The following RALGPS1 variants were observed in gnomAD, a reference collection of about 807,000 sequenced individuals.
RALGPS1 encodes ras-specific guanine nucleotide-releasing factor RalGPS1.
RALGPS1 carries 19 observed loss-of-function variants against 78.8 expected under a neutral mutation model. That is an observed-to-expected ratio of 0.24 (90% confidence interval 0.17 to 0.35). RALGPS1 has a LOEUF of 0.35. Ranked by LOEUF, RALGPS1 falls within the 10% of genes least tolerant of loss-of-function variation. RALGPS1 has a pLI of 1.00. For missense variants in RALGPS1, 454 were observed against 688.3 expected (o/e 0.66, Z 3.81); for synonymous variants, 228 against 256.3 (o/e 0.89, Z 1.06).
At chr9:127,040,722 C>CA (rs1336207064) in intron 5 of RALGPS1, among the ~76,000 whole-genome samples, 1 of 152,096 alleles carries the variant, frequency 6.6e-6, no homozygotes, top group Non-Finnish European at 1.5e-5. Flanking sequence ...TGAAGTTGCC[C>CA]AAGGAAGAAG....
chr9:127,184,155 A>C (rs1056218478), intron 11 of RALGPS1: 2 of 1,076,612 alleles, frequency 1.9e-6, no homozygotes, highest in Admixed American at 2.0e-5. Flanking sequence ...GCAAAACCCC[A>C]TCTCTACAAA....
At chr9:127,027,177 C>T (rs1214390497) in intron 4 of RALGPS1, among the ~76,000 whole-genome samples, 3 of 152,282 alleles carry the variant, frequency 2.0e-5, no homozygotes, top group South Asian at 4.1e-4. Context: ...TGAAATCTCT[C>T]ATTTGACGAG....
rs76795428 is a variant in RALGPS1 at position 126,923,795 on chromosome 9, A to G, written c.-66+8820A>G. Among the ~76,000 whole-genome samples, 944 of 152,312 alleles carry G rather than the reference A, an allele frequency of 6.2e-3. 9 individuals carry two copies. The highest frequency in any genetic ancestry group is 0.022 in the African/African-American group (902 of 41,562). On this transcript the variant is annotated intron_variant, in intron 1 of 18. Coordinates refer to ENST00000259351, the MANE Select transcript of RALGPS1 (RefSeq NM_014636.3). ...AGCGATCCTCCTGCCTCAGCCTCCCAAGTAGCTCCCAAGTGCCACTACACC... is the reference window on the plus strand; with the variant it reads ...AGCGATCCTCCTGCCTCAGCCTCCCGAGTAGCTCCCAAGTGCCACTACACC...
At chr9:126,948,784 C>T (rs2131663101) in intron 1 of RALGPS1, among the ~76,000 whole-genome samples, 1 of 152,006 alleles carries the variant, frequency 6.6e-6, no homozygotes, top group African/African-American at 2.4e-5. Flanking sequence ...TTTCCTGGCC[C>T]TTCTTTCCGT....
intron 4 of RALGPS1, among the ~76,000 whole-genome samples, chr9:126,995,941 T>C (rs1420944207): frequency 8.6e-5 from 13 of 151,838 alleles, no homozygotes; most frequent in Admixed American, 7.2e-4. Flanking sequence ...ATTGGGTAAA[T>C]AATGAAATGA....
intron 1 of RALGPS1, among the ~76,000 whole-genome samples, chr9:126,936,187 G>A (rs1295259644): frequency 6.6e-6 from 1 of 152,224 alleles, no homozygotes; most frequent in Non-Finnish European, 1.5e-5. Flanking sequence ...GTGAACAGGG[G>A]ATAGAGAACC....
intron 8 of RALGPS1, among the ~76,000 whole-genome samples, chr9:127,116,916 G>T (rs376367347): frequency 6.6e-6 from 1 of 152,144 alleles, no homozygotes; most frequent in South Asian, 2.1e-4. Context: ...TAACAGATTT[G>T]TCTAACCCAG....
At chr9:127,018,505 G>A (rs1364490182) in intron 4 of RALGPS1, among the ~76,000 whole-genome samples, 4 of 151,590 alleles carry the variant, frequency 2.6e-5, no homozygotes, top group African/African-American at 4.8e-5. Context: ...GTGGTGGCGC[G>A]TACCTGGAGT....
intron 4 of RALGPS1, among the ~76,000 whole-genome samples, chr9:127,014,027 C>G (rs1294151693): frequency 6.6e-6 from 1 of 152,338 alleles, no homozygotes. Context: ...GCTGTGTCCT[C>G]CTAAGCTTTG....
chr9:127,215,440 A>G (rs1588614283), intron 18 of RALGPS1, among the ~76,000 whole-genome samples: 1 of 152,182 alleles, frequency 6.6e-6, no homozygotes, highest in Non-Finnish European at 1.5e-5. Context: ...AATGTTTCCC[A>G]TGCAGGAATT....
intron 14 of RALGPS1, among the ~76,000 whole-genome samples, chr9:127,201,517 C>T (rs1489705862): frequency 1.3e-5 from 2 of 152,244 alleles, no homozygotes; most frequent in African/African-American, 2.4e-5. Context: ...AATCCACACT[C>T]GCAAAAGCAA....
chr9:127,147,247 T>A (rs984039778), intron 8 of RALGPS1, among the ~76,000 whole-genome samples: 2 of 152,210 alleles, frequency 1.3e-5, no homozygotes, highest in Non-Finnish European at 2.9e-5. Context: ...CTTATTGATT[T>A]GCTTAGGTTT....
chr9:127,147,398 A>G (rs921905677), intron 8 of RALGPS1, among the ~76,000 whole-genome samples: 4 of 152,146 alleles, frequency 2.6e-5, no homozygotes, highest in African/African-American at 9.7e-5. Flanking sequence ...CTACTTGTCT[A>G]TTTTTGTTTT....
chr9:127,029,026 G>T (rs188638183), intron 4 of RALGPS1, among the ~76,000 whole-genome samples: 139 of 152,078 alleles, frequency 9.1e-4, no homozygotes, highest in African/African-American at 3.2e-3. Flanking sequence ...TGGGCCTCTA[G>T]ACCCCCAACT....
chr9:127,012,919 G>A (rs1589013631), intron 4 of RALGPS1, among the ~76,000 whole-genome samples: 1 of 152,130 alleles, frequency 6.6e-6, no homozygotes, highest in African/African-American at 2.4e-5. Context: ...GATGAATGAG[G>A]AATCCCTGGT....
At chr9:126,947,957 G>A (rs1266296583) in intron 1 of RALGPS1, among the ~76,000 whole-genome samples, 2 of 152,128 alleles carry the variant, frequency 1.3e-5, no homozygotes, top group Non-Finnish European at 2.9e-5. Context: ...CTTAACAGAT[G>A]ACAAAAAGAG....
Position 127,214,712 on chromosome 9 carries a change from G to A in RALGPS1, c.1553-39G>A, listed in dbSNP as rs138070047. ...GCCAGTCACCAGCTGACCCTCCTAC[G>A]TGGCCCTCTTCTTAACTCATGGTTT... is the stretch of plus-strand genomic sequence containing the variant. On this transcript the variant is annotated intron_variant, in intron 17 of 18. Coordinates refer to ENST00000259351, the MANE Select transcript of RALGPS1 (RefSeq NM_014636.3). The A allele has an allele frequency of 1.2e-3, 1,874 of 1,576,742 alleles. 3 individuals are homozygous for A. In the Middle Eastern group the frequency reaches 0.014, roughly 11 times the overall value.
At chr9:127,161,322 T>G (rs1308482931) in intron 8 of RALGPS1, among the ~76,000 whole-genome samples, 1 of 152,184 alleles carries the variant, frequency 6.6e-6, no homozygotes, top group Non-Finnish European at 1.5e-5. Context: ...ACTTCAATGG[T>G]CCAGGCCCTG....
intron 8 of RALGPS1, among the ~76,000 whole-genome samples, chr9:127,111,117 A>G (rs1466955380): frequency 6.6e-6 from 1 of 151,736 alleles, no homozygotes; most frequent in Non-Finnish European, 1.5e-5. Context: ...ATCTCCTCCA[A>G]CCACCTGGTT....
Sources: allele counts gnomAD v4.1 joint callset (sites outside exome capture counted in the v4.1 genomes callset), GRCh38; gene constraint gnomAD v4.1.1; transcripts MANE v1.5; gene names NCBI Gene and HGNC (gene_info 2026-07-23, HGNC 2026-07-21).